DPP6: variants seen among roughly 807,000 people sequenced by gnomAD.
DPP6 encodes A-type potassium channel modulatory protein DPP6.
Under a neutral mutation model 122.6 loss-of-function variants are expected in DPP6, and 69 were observed. The ratio of observed to expected loss-of-function variants is 0.56; its 90% CI spans 0.46 to 0.69. The LOEUF is 0.69. Ranked by LOEUF, DPP6 falls within the 30% of genes least tolerant of loss-of-function variation. The pLI, the probability that DPP6 is intolerant of heterozygous loss-of-function variation, is 0.00. For synonymous variants in DPP6, 418 were observed against 433.1 expected (o/e 0.97, Z 0.43); for missense variants, 928 against 1,116.9 (o/e 0.83, Z 2.41).
At chr7:153,903,112 C>T (rs1019900851) in intron 1 of DPP6, among the ~76,000 whole-genome samples, 1 of 152,170 alleles carries the variant, frequency 6.6e-6, no homozygotes, top group Non-Finnish European at 1.5e-5. Flanking sequence ...GATCAGGAGA[C>T]TGCCAAGGAC....
intron 1 of DPP6, among the ~76,000 whole-genome samples, chr7:154,131,524 C>A (rs1201074891): frequency 3.3e-5 from 5 of 152,378 alleles, no homozygotes; most frequent in South Asian, 4.1e-4. Context: ...TAGGTCATCC[C>A]CTTCAGCTGC....
At chr7:154,424,785 G>A (rs758965881) in intron 1 of DPP6, among the ~76,000 whole-genome samples, 2 of 152,172 alleles carry the variant, frequency 1.3e-5, no homozygotes, top group Non-Finnish European at 2.9e-5. Context: ...TGACAACTGC[G>A]TGACTTTAGG....
Position 154,730,243 on chromosome 7 carries a change from A to G in DPP6, c.883+2356A>G, listed in dbSNP as rs139417027. 5.4e-4 allele frequency among the ~76,000 whole-genome samples: 82 copies of G among 152,294 alleles called. 2 individuals carry two copies. In the East Asian group the frequency reaches 0.016, roughly 29 times the overall value. On this transcript the variant is annotated intron_variant, in intron 8 of 25. Coordinates refer to ENST00000377770, the MANE Select transcript of DPP6 (RefSeq NM_130797.4). ...GGTGTGAGATCAGCTCAATATCTGG[A>G]TAGGGAAGGGAACCCAGGGGCTGGA...
intron 1 of DPP6, among the ~76,000 whole-genome samples, chr7:154,320,497 T>C (rs1315391788): frequency 6.6e-6 from 1 of 152,006 alleles, no homozygotes; most frequent in Non-Finnish European, 1.5e-5. Context: ...GTTGTTGTTT[T>C]TCTTGAGACA....
intron 1 of DPP6, among the ~76,000 whole-genome samples, chr7:154,112,971 G>GA (rs1806702646): frequency 6.6e-6 from 1 of 152,166 alleles, no homozygotes; most frequent in East Asian, 1.9e-4. Flanking sequence ...GAACCATGTA[G>GA]GGTTTATCCT....
intron 3 of DPP6, among the ~76,000 whole-genome samples, chr7:154,540,136 T>A (rs1397282644): frequency 6.6e-6 from 1 of 152,226 alleles, no homozygotes; most frequent in Non-Finnish European, 1.5e-5. Flanking sequence ...TTTTGCAGGA[T>A]GTGGCTATGG....
chr7:154,694,509 G>A (rs999990365), intron 7 of DPP6, among the ~76,000 whole-genome samples: 3 of 152,200 alleles, frequency 2.0e-5, no homozygotes, highest in Admixed American at 6.5e-5. Context: ...CTACTGGGAA[G>A]GCTGAGGCAG....
chr7:154,353,029 T>C (rs1300259319), intron 1 of DPP6, among the ~76,000 whole-genome samples: 1 of 152,216 alleles, frequency 6.6e-6, no homozygotes, highest in Non-Finnish European at 1.5e-5. Context: ...AAAGAGATGC[T>C]CCGAGCATGC....
At chr7:154,429,942 T>A (rs1337630476) in intron 1 of DPP6, among the ~76,000 whole-genome samples, 1 of 152,228 alleles carries the variant, frequency 6.6e-6, no homozygotes, top group East Asian at 1.9e-4. Context: ...GGCCTGGTGC[T>A]GTCTGGTTTC....
chr7:154,436,673 G>T (rs750581935), intron 1 of DPP6, among the ~76,000 whole-genome samples: 1 of 152,146 alleles, frequency 6.6e-6, no homozygotes, highest in African/African-American at 2.4e-5. Flanking sequence ...AGTGTAACCT[G>T]AATTTCCTAA....
intron 5 of DPP6, among the ~76,000 whole-genome samples, chr7:154,610,705 CTCTGTGTGTGTG>C (rs1388644452): frequency 7.5e-4 from 106 of 140,686 alleles, no homozygotes; most frequent in African/African-American, 2.4e-3. Context: ...CTGTGTTGTT[CTCTGTGTGTGTG>C]TGTGTGTGTG....
intron 1 of DPP6, among the ~76,000 whole-genome samples, chr7:153,952,559 A>C (rs1366907215): frequency 6.6e-6 from 1 of 152,254 alleles, no homozygotes; most frequent in African/African-American, 2.4e-5. Flanking sequence ...TGTGATGAGC[A>C]CAGTTTATTA....
chr7:154,574,382 GGT>G (rs1294590761), intron 5 of DPP6, among the ~76,000 whole-genome samples: 4 of 142,860 alleles, frequency 2.8e-5, no homozygotes, highest in African/African-American at 5.4e-5. Context: ...GTGTGTATGT[GGT>G]GTGTGTATGT....
intron 16 of DPP6, among the ~76,000 whole-genome samples, chr7:154,847,392 G>A (rs192253496): frequency 1.3e-5 from 2 of 152,200 alleles, no homozygotes; most frequent in Admixed American, 6.5e-5. Context: ...CTTCTGGGAC[G>A]AGAGAGGACT....
chr7:154,481,644 G>C lies in DPP6; in HGVS notation c.457+6607G>C, dbSNP rs1823314336. ...ACGTGAACTTCTTTGGATTGCTTCAGAAGTCCATCTTCTTTTCCCCCAGAG... is the reference window on the plus strand; with the variant it reads ...ACGTGAACTTCTTTGGATTGCTTCACAAGTCCATCTTCTTTTCCCCCAGAG... On this transcript the variant is annotated intron_variant, in intron 3 of 25. Transcript: ENST00000377770. This position sits in a 1 kb window ranked among gnomAD's most constrained non-coding sequence, Gnocchi z 4.2. Among the ~76,000 whole-genome samples the C allele has an allele frequency of 6.6e-6, 1 of 152,060 alleles. No homozygotes were observed. Among genetic ancestry groups the C allele is most frequent in the Non-Finnish European group, 1.5e-5 (1 of 68,016 alleles).
intron 1 of DPP6, among the ~76,000 whole-genome samples, chr7:154,276,654 C>T (rs1406339942): frequency 1.3e-5 from 2 of 152,140 alleles, no homozygotes; most frequent in Non-Finnish European, 2.9e-5. Flanking sequence ...GAGATGCAGT[C>T]AGTTCTTGCT....
At chr7:154,372,331 G>T (rs1431671265) in intron 1 of DPP6, among the ~76,000 whole-genome samples, 1 of 152,130 alleles carries the variant, frequency 6.6e-6, no homozygotes, top group East Asian at 1.9e-4. Flanking sequence ...TGAGGTTATT[G>T]CAGAGCATGG....
chr7:154,888,496 C>T (rs540801299), intron 23 of DPP6, among the ~76,000 whole-genome samples: 14 of 152,280 alleles, frequency 9.2e-5, no homozygotes, highest in Admixed American at 3.3e-4. Context: ...TCCAGCTGTG[C>T]GCAGGGAGGG....
At chr7:154,044,980 T>C (rs1799949964) in intron 1 of DPP6, among the ~76,000 whole-genome samples, 1 of 152,178 alleles carries the variant, frequency 6.6e-6, no homozygotes, top group African/African-American at 2.4e-5. Flanking sequence ...GGCTCTCTGC[T>C]AAGGTACAAA....
Sources: allele counts gnomAD v4.1 joint callset (sites outside exome capture counted in the v4.1 genomes callset), GRCh38; gene constraint gnomAD v4.1.1; non-coding constraint Gnocchi (gnomAD v3.1); transcripts MANE v1.5; gene names NCBI Gene and HGNC (gene_info 2026-07-23, HGNC 2026-07-21).